USH2A: variants seen among roughly 807,000 people sequenced by gnomAD.
USH2A encodes the protein Usher syndrome 2A (autosomal recessive, mild).
In USH2A, 443 loss-of-function variants were observed where a neutral mutation model predicts 538.9. The ratio of observed to expected loss-of-function variants is 0.82; its 90% CI spans 0.76 to 0.89. The LOEUF is 0.89. Among genes scored for constraint, USH2A ranks in the 40% least tolerant of loss-of-function variants. The probability of loss-of-function intolerance (pLI) is 0.00; values close to 1 mark genes in which losing one functional copy is unlikely to be tolerated. For synonymous variants in USH2A, 2,413 were observed against 2,273.5 expected, an observed-to-expected ratio of 1.06 and a Z score of -1.75; for missense variants, 6,633 against 6,324.8, an observed-to-expected ratio of 1.05 and a Z score of -1.65.
intron 7 of USH2A, 62 bp downstream of exon 7, chr1:216,324,106 A>T (rs2037676480): frequency 1.3e-6 from 2 of 1,554,932 alleles, no homozygotes; most frequent in Admixed American, 1.8e-5. Flanking sequence ...GAGAGCTAGC[A>T]TACTTGTACA....
intron 42 of USH2A, 51 bp downstream of exon 42, chr1:215,878,713 C>T (rs756119867): frequency 6.3e-7 from 1 of 1,578,800 alleles, no homozygotes; most frequent in Non-Finnish European, 8.7e-7. Context: ...CCCTACTTCT[C>T]AGAGAGATAA....
intron 52 of USH2A, among the ~76,000 whole-genome samples, chr1:215,784,376 T>C (rs960037781): frequency 1.3e-5 from 2 of 152,212 alleles, no homozygotes; most frequent in African/African-American, 4.8e-5. Flanking sequence ...ATGTTTTACA[T>C]TTCTGCTACA....
At chr1:215,714,709 T>A (rs553698166) in intron 61 of USH2A, among the ~76,000 whole-genome samples, 1 of 152,338 alleles carries the variant, frequency 6.6e-6, no homozygotes, top group Non-Finnish European at 1.5e-5. Flanking sequence ...AACGTTTATC[T>A]GGACTTTTCC....
chr1:215,773,825 C>T (rs926661000), intron 55 of USH2A, among the ~76,000 whole-genome samples: 4 of 152,170 alleles, frequency 2.6e-5, no homozygotes, highest in African/African-American at 9.7e-5. Context: ...GCCATATCAG[C>T]ATTCTACTTA....
intron 37 of USH2A, among the ~76,000 whole-genome samples, chr1:215,937,724 G>A (rs1417417650): frequency 6.6e-6 from 1 of 152,114 alleles, no homozygotes; most frequent in Non-Finnish European, 1.5e-5. Flanking sequence ...TAGCGTAACT[G>A]TGCAGGTCTT....
intron 4 of USH2A, among the ~76,000 whole-genome samples, chr1:216,345,257 G>C (rs1235430929): frequency 6.6e-6 from 1 of 152,042 alleles, no homozygotes; most frequent in Non-Finnish European, 1.5e-5. Context: ...TCAGAGGTTG[G>C]ATTAATGATG....
intron 30 of USH2A, among the ~76,000 whole-genome samples, chr1:216,057,344 T>G (rs2031012008): frequency 6.6e-6 from 1 of 152,134 alleles, no homozygotes; most frequent in African/African-American, 2.4e-5. Context: ...TCCTGTGAAT[T>G]TTTTCAGACC....
chr1:215,712,993 G>C (rs1242965131), intron 61 of USH2A, among the ~76,000 whole-genome samples: 1 of 152,098 alleles, frequency 6.6e-6, no homozygotes, highest in East Asian at 1.9e-4. Context: ...TTTTAGTAGA[G>C]ATGGGGTTTT....
At chr1:216,279,146 A>T (rs1342018633) in intron 11 of USH2A, among the ~76,000 whole-genome samples, 2 of 152,098 alleles carry the variant, frequency 1.3e-5, no homozygotes, top group Non-Finnish European at 2.9e-5. Flanking sequence ...TTGATGCTTT[A>T]TTGAGCATTA....
chr1:215,692,892 C>T (rs1048202026), intron 61 of USH2A, among the ~76,000 whole-genome samples: 2 of 151,634 alleles, frequency 1.3e-5, no homozygotes, highest in African/African-American at 4.8e-5. Context: ...TATTTATTTA[C>T]CATTTTCTTT....
chr1:216,089,514 A>T (rs1286577490), intron 22 of USH2A, among the ~76,000 whole-genome samples: 1 of 152,120 alleles, frequency 6.6e-6, no homozygotes, highest in Non-Finnish European at 1.5e-5. Context: ...AGAAAAATTT[A>T]AAACTCATAA....
At chr1:215,915,887 G>A (rs1197182728) in intron 38 of USH2A, among the ~76,000 whole-genome samples, 4 of 151,800 alleles carry the variant, frequency 2.6e-5, no homozygotes, top group Non-Finnish European at 5.9e-5. Flanking sequence ...GTCCTTTGTA[G>A]GGACATGGAT....
intron 35 of USH2A, 112 bp from the exon 36 acceptor site, chr1:215,970,888 CAGA>C: frequency 9.1e-7 from 1 of 1,094,376 alleles, no homozygotes; most frequent in South Asian, 1.3e-5. Context: ...CATTAAATCA[CAGA>C]CTCTGGTATT....
intron 32 of USH2A, among the ~76,000 whole-genome samples, chr1:216,029,357 A>T (rs893753914): frequency 5.3e-5 from 8 of 152,072 alleles, no homozygotes; most frequent in Non-Finnish European, 8.8e-5. Flanking sequence ...ATATTCTCCT[A>T]TTGATAAAGA....
At chr1:215,687,141 C>T (rs1658450256) in intron 61 of USH2A, among the ~76,000 whole-genome samples, 1 of 152,070 alleles carries the variant, frequency 6.6e-6, no homozygotes, top group Admixed American at 6.5e-5. Context: ...AACAATGAGG[C>T]CAACTCAAAT....
chr1:215,828,151 A>G (rs1663207026), intron 47 of USH2A, among the ~76,000 whole-genome samples: 1 of 152,128 alleles, frequency 6.6e-6, no homozygotes, highest in Non-Finnish European at 1.5e-5. Flanking sequence ...TAAGTAATTT[A>G]AAAATATAGG....
chr1:216,300,440 A>G (rs2037192988), intron 9 of USH2A, among the ~76,000 whole-genome samples: 1 of 152,182 alleles, frequency 6.6e-6, no homozygotes, highest in Non-Finnish European at 1.5e-5. Flanking sequence ...GATTCATTTA[A>G]CTGCTTTCAT....
At chr1:215,788,124 C>T (rs80029424) in intron 51 of USH2A, among the ~76,000 whole-genome samples, 1,847 of 152,044 alleles carry the variant, frequency 0.012, 27 homozygotes, top group African/African-American at 0.042. Flanking sequence ...TACTGGTTTA[C>T]GTGTTGAAAG....
chr1:216,019,722 A>C (rs1305995436), intron 32 of USH2A, among the ~76,000 whole-genome samples: 3 of 152,162 alleles, frequency 2.0e-5, no homozygotes, highest in Non-Finnish European at 4.4e-5. Context: ...CATTTAATTC[A>C]TCATAAAATG....
Sources: gnomAD v4.1 joint callset for allele counts (sites outside exome capture counted in the v4.1 genomes callset) on GRCh38, gnomAD v4.1.1 for gene constraint, MANE v1.5 for transcripts, NCBI Gene and HGNC (gene_info 2026-07-23, HGNC 2026-07-21) for gene names.